SRGAP2C: variants seen among roughly 807,000 people sequenced by gnomAD.
SRGAP2C encodes the protein SLIT-ROBO Rho GTPase activating protein 2C, also known as SLIT-ROBO Rho GTPase-activating protein 2C.
In SRGAP2C, 15 loss-of-function variants were observed where a neutral mutation model predicts 25.1. The ratio of observed to expected loss-of-function variants is 0.60; its 90% CI spans 0.40 to 0.92. The LOEUF (loss-of-function observed/expected upper bound fraction) is 0.92, where lower values mean the gene tolerates loss of function less well. Ranked by LOEUF, SRGAP2C falls within the 40% of genes least tolerant of loss-of-function variation. The pLI is 0.00. For missense variants in SRGAP2C, 144 were observed against 264.4 expected, an observed-to-expected ratio of 0.54 and a Z score of 3.16; for synonymous variants, 44 against 96.6, an observed-to-expected ratio of 0.46 and a Z score of 3.19.
intron 2 of SRGAP2C, among the ~76,000 whole-genome samples, chr1:121,235,626 G>GT (rs60027326): frequency 8.3e-4 from 38 of 45,720 alleles, no homozygotes; most frequent in Middle Eastern, 7.5e-3. Context: ...TGCTTTTTCT[G>GT]TTTTTTTTTT....
chr1:121,306,912 A>T (rs1467923553), intron 3 of SRGAP2C, among the ~76,000 whole-genome samples: 1 of 152,050 alleles, frequency 6.6e-6, no homozygotes, highest in African/African-American at 2.4e-5. Flanking sequence ...TTCACAGAAC[A>T]ATACTTATCT....
chr1:121,234,947 CTCTTT>C (rs1426458263), intron 2 of SRGAP2C, among the ~76,000 whole-genome samples: 2 of 151,766 alleles, frequency 1.3e-5, no homozygotes, highest in Non-Finnish European at 2.9e-5. Flanking sequence ...AAATTCTTTT[CTCTTT>C]TCTTTTCTTC....
intron 2 of SRGAP2C, among the ~76,000 whole-genome samples, chr1:121,208,823 AT>A (rs1385703154): frequency 6.6e-6 from 1 of 152,160 alleles, no homozygotes; most frequent in Admixed American, 6.5e-5. Flanking sequence ...GGTTAGAGAG[AT>A]TTTTTGAAAG....
chr1:121,355,305 CTTTTTTTTTTTTTTTTTTT>C (rs1203362201), intron 4 of SRGAP2C, among the ~76,000 whole-genome samples: 1 of 37,270 alleles, frequency 2.7e-5, no homozygotes, highest in Non-Finnish European at 4.5e-5. Flanking sequence ...GATACACATT[CTTTTTTTTTTTTTTTTTTT>C]TTTTTTTTTT....
intron 3 of SRGAP2C, among the ~76,000 whole-genome samples, chr1:121,286,116 C>A (rs1159823639): frequency 6.6e-6 from 1 of 152,080 alleles, no homozygotes; most frequent in Non-Finnish European, 1.5e-5. Context: ...GCTTGGTCTA[C>A]AGTTTCTCTC....
At chr1:121,295,975 G>A (rs1657591208) in intron 3 of SRGAP2C, among the ~76,000 whole-genome samples, 1 of 151,776 alleles carries the variant, frequency 6.6e-6, no homozygotes, top group Admixed American at 6.6e-5. Flanking sequence ...TGGTCAGGTT[G>A]GTCTTGAACT....
At chr1:121,343,394 T>C (rs1658675600) in intron 4 of SRGAP2C, among the ~76,000 whole-genome samples, 1 of 151,938 alleles carries the variant, frequency 6.6e-6, no homozygotes, top group African/African-American at 2.4e-5. Flanking sequence ...TATCAGTGCG[T>C]ATCCCCTCTT....
intron 8 of SRGAP2C, among the ~76,000 whole-genome samples, chr1:121,385,976 T>C (rs2580440): frequency 6.7e-6 from 1 of 148,466 alleles, no homozygotes; most frequent in Non-Finnish European, 1.5e-5. Context: ...TCGGGCCCTC[T>C]AGCATAGGCA....
intron 2 of SRGAP2C, among the ~76,000 whole-genome samples, chr1:121,248,246 A>G (rs1656263684): frequency 6.6e-6 from 1 of 151,126 alleles, no homozygotes; most frequent in African/African-American, 2.4e-5. Flanking sequence ...CATAGGGAAT[A>G]ATCCAAAATT....
At chr1:121,385,350 C>A (rs1659936428) in intron 8 of SRGAP2C, among the ~76,000 whole-genome samples, 1 of 99,408 alleles carries the variant, frequency 1.0e-5, no homozygotes, top group Non-Finnish European at 2.0e-5. Flanking sequence ...CATCAGGCAG[C>A]CAGAGAATTT....
At chr1:121,304,912 A>G (rs1657793004) in intron 3 of SRGAP2C, among the ~76,000 whole-genome samples, 1 of 152,122 alleles carries the variant, frequency 6.6e-6, no homozygotes, top group South Asian at 2.1e-4. Flanking sequence ...GACATTTCTC[A>G]CTGCCAAACC....
At chr1:121,354,429 G>T (rs1240712929) in intron 4 of SRGAP2C, among the ~76,000 whole-genome samples, 1 of 75,380 alleles carries the variant, frequency 1.3e-5, no homozygotes, top group Non-Finnish European at 2.4e-5. Context: ...TCTGAGTCTT[G>T]CTCTGTCACC....
Position 121,392,403 on chromosome 1 carries a change from T to C in SRGAP2C, c.*4548T>C, listed in dbSNP as rs1553358338. 1.3e-5 allele frequency: 2 copies of C among 152,062 alleles called. No homozygotes were observed. Among genetic ancestry groups the C allele is most frequent in the African/African-American group, 4.8e-5 (2 of 41,410 alleles). The allele number at this position is 152,062 out of a possible 1,614,324, so 9.4% of individuals were successfully genotyped here. A position where few individuals can be genotyped will look rare whatever the true frequency, so the allele number is the denominator to read the frequency against. ...CTTTCTCTTTTTTCTTTTCTTTCAA[T>C]TTTCTCAATTACTAAGAGATGTTTA... On this transcript the variant is annotated 3_prime_UTR_variant, in exon 10 of 10. Coordinates refer to ENST00000367123, the MANE Select transcript of SRGAP2C (RefSeq NM_001329984.2).
intron 4 of SRGAP2C, among the ~76,000 whole-genome samples, chr1:121,336,169 G>A (rs1288472951): frequency 6.6e-6 from 1 of 152,146 alleles, no homozygotes; most frequent in Non-Finnish European, 1.5e-5. Flanking sequence ...CACCTAAGAT[G>A]ACCAACTATC....
At chr1:121,371,050 A>G (rs2101658521) in intron 5 of SRGAP2C, among the ~76,000 whole-genome samples, 1 of 152,186 alleles carries the variant, frequency 6.6e-6, no homozygotes, top group East Asian at 1.9e-4. Context: ...TAGTTTTTCA[A>G]AGTAAAGTGG....
At chr1:121,334,795 G>A (rs1307086557) in intron 4 of SRGAP2C, among the ~76,000 whole-genome samples, 3 of 146,350 alleles carry the variant, frequency 2.0e-5, no homozygotes, top group Admixed American at 6.9e-5. Context: ...TGTAGAAATT[G>A]TAGGAAAAAT....
intron 2 of SRGAP2C, among the ~76,000 whole-genome samples, chr1:121,210,368 T>C: frequency 6.7e-6 from 1 of 149,820 alleles, no homozygotes; most frequent in Non-Finnish European, 1.5e-5. Flanking sequence ...AAGGAGCCAT[T>C]TTCCAATCTC....
intron 3 of SRGAP2C, among the ~76,000 whole-genome samples, chr1:121,294,864 A>G (rs1657564773): frequency 7.4e-6 from 1 of 135,998 alleles, no homozygotes; most frequent in African/African-American, 2.8e-5. Flanking sequence ...GTTTTGTTCT[A>G]AACTCTTAGA....
intron 2 of SRGAP2C, among the ~76,000 whole-genome samples, chr1:121,270,999 G>C (rs1393924363): frequency 6.6e-6 from 1 of 151,132 alleles, no homozygotes; most frequent in Non-Finnish European, 1.5e-5. Context: ...GGGTTTCACT[G>C]TGTTAGCCAG....
Sources: allele counts gnomAD v4.1 joint callset (sites outside exome capture counted in the v4.1 genomes callset), GRCh38; gene constraint gnomAD v4.1.1; transcripts MANE v1.5; gene names NCBI Gene and HGNC (gene_info 2026-07-23, HGNC 2026-07-21).